CDCP2: variants seen among roughly 807,000 people sequenced by gnomAD.
CDCP2 encodes the protein CUB domain-containing protein 2.
In CDCP2, 31 loss-of-function variants were observed where a neutral mutation model predicts 31.0. The ratio of observed to expected loss-of-function variants is 1.00; its 90% CI spans 0.75 to 1.35. CDCP2 has a LOEUF of 1.35. Ranked by LOEUF, CDCP2 falls within the 40% of genes most tolerant of loss-of-function variation. The probability of loss-of-function intolerance (pLI) is 0.00; values close to 1 mark genes in which losing one functional copy is unlikely to be tolerated. For missense variants in CDCP2, 443 were observed against 482.6 expected (o/e 0.92, Z 0.77); for synonymous variants, 206 against 207.9 (o/e 0.99, Z 0.08).
At chr1:54,136,753 C>T (rs1659265354) in exon 5 of CDCP2, 10 of 399,016 alleles carry the variant, frequency 2.5e-5, no homozygotes, top group Non-Finnish European at 4.0e-5. Context: ...CCAGCGCCTG[C>T]GTGGAGATCA....
intron 4 of CDCP2, among the ~76,000 whole-genome samples, chr1:54,137,329 C>T (rs1033769328): frequency 5.3e-5 from 8 of 151,988 alleles, no homozygotes; most frequent in Admixed American, 6.6e-5. Flanking sequence ...CACGTGTCAG[C>T]GTGCCCCAAA....
intron 4 of CDCP2, among the ~76,000 whole-genome samples, chr1:54,137,083 A>C (rs1238835374): frequency 1.3e-5 from 2 of 152,238 alleles, no homozygotes; most frequent in Non-Finnish European, 2.9e-5. Flanking sequence ...AGGCCCAGTG[A>C]ATGCTGAGTG....
intron 1 of CDCP2, among the ~76,000 whole-genome samples, chr1:54,152,024 C>T (rs1053259665): frequency 1.3e-5 from 2 of 152,112 alleles, no homozygotes; most frequent in African/African-American, 4.8e-5. Context: ...GCATGGGATG[C>T]CCAAGGGATG....
chr1:54,142,026 C>T (rs1659384149), intron 2 of CDCP2: 1 of 152,458 alleles, frequency 6.6e-6, no homozygotes, highest in Non-Finnish European at 1.5e-5. Context: ...AGCCCTCCAG[C>T]ATAGAACTGT....
At chr1:54,140,145 G>C in intron 3 of CDCP2, 39 bp from the exon 4 acceptor site, 1 of 1,584,284 alleles carries the variant, frequency 6.3e-7, no homozygotes, top group Non-Finnish European at 8.7e-7. Context: ...GCAACAGTGA[G>C]GGGAGAGGAG....
intron 2 of CDCP2, 74 bp downstream of exon 2, chr1:54,144,392 C>T (rs1659423707): frequency 7.5e-7 from 1 of 1,328,262 alleles, no homozygotes; most frequent in African/African-American, 1.5e-5. Context: ...AGTAATCCTC[C>T]CACTTTGGCT....
chr1:54,141,288 C>T, exon 3 of CDCP2: 1 of 1,614,240 alleles, frequency 6.2e-7, no homozygotes, highest in South Asian at 1.1e-5. Context: ...TGCCCTCCAC[C>T]TGGAAGTCCA....
chr1:54,133,601 T>C (rs935762124), intron 5 of CDCP2, among the ~76,000 whole-genome samples: 4 of 152,152 alleles, frequency 2.6e-5, no homozygotes, highest in Admixed American at 2.0e-4. Context: ...TTGGTACCAC[T>C]AAAACCCCCA....
Position 54,140,114 on chromosome 1 carries a change from G to T in CDCP2, c.764-8C>A, listed in dbSNP as rs756546218. On this transcript the variant is annotated splice_region_variant and splice_polypyrimidine_tract_variant and intron_variant, in intron 3 of 5. Transcript: ENST00000530059. ...ATACCTCCTGGCATTCTCCTGGATGGGGGATGGGGAGGTGGAAGGAGCAAC... is the reference window on the plus strand; with the variant it reads ...ATACCTCCTGGCATTCTCCTGGATGTGGGATGGGGAGGTGGAAGGAGCAAC... The T allele has an allele frequency of 6.2e-7, 1 of 1,611,930 alleles. No individual in the cohort carries two copies. The highest frequency in any genetic ancestry group is 2.2e-5 in the East Asian group (1 of 44,868).
chr1:54,146,177 T>C (rs1313441453), intron 1 of CDCP2, among the ~76,000 whole-genome samples: 1 of 134,422 alleles, frequency 7.4e-6, no homozygotes, highest in Non-Finnish European at 1.6e-5. Context: ...GAGTGGTAAG[T>C]ATAATTTTTT....
chr1:54,152,789 G>C, intron 1 of CDCP2, 55 bp downstream of exon 1: 1 of 1,528,854 alleles, frequency 6.5e-7, no homozygotes, highest in Non-Finnish European at 9.0e-7. Context: ...GCCCCTGGCT[G>C]TTGCCTGCCC....
chr1:54,135,829 G>A (rs544457721), intron 5 of CDCP2, among the ~76,000 whole-genome samples: 17 of 152,210 alleles, frequency 1.1e-4, no homozygotes, highest in Middle Eastern at 3.4e-3. Flanking sequence ...GTTGGGAGGC[G>A]GGGGAGGGTT....
intron 4 of CDCP2, chr1:54,137,834 C>T (rs1659287605): frequency 6.6e-6 from 1 of 152,172 alleles, no homozygotes; most frequent in Non-Finnish European, 1.5e-5. Context: ...AGACATATTT[C>T]AGCCTCTGGT....
intron 1 of CDCP2, 136 bp from the exon 2 acceptor site, chr1:54,144,949 A>G: frequency 1.6e-6 from 1 of 629,760 alleles, no homozygotes; most frequent in South Asian, 2.0e-5. Flanking sequence ...TTATTTGCTC[A>G]TGCATCTACT....
At chr1:54,144,323 A>T in intron 2 of CDCP2, 143 bp downstream of exon 2, 1 of 711,128 alleles carries the variant, frequency 1.4e-6, no homozygotes, top group Non-Finnish European at 2.3e-6. Context: ...CTATCTTCCC[A>T]TCTCCACCCC....
At chr1:54,141,224 G>A (rs181888520) in exon 3 of CDCP2, 10 of 1,613,452 alleles carry the variant, frequency 6.2e-6, no homozygotes, top group South Asian at 3.3e-5. Flanking sequence ...TGGTGCCCAC[G>A]GGTGGGGCCA....
chr1:54,149,315 G>A lies in CDCP2; in HGVS notation c.79+3529C>T, dbSNP rs548761847. ...TACAGTTTTATGTGTTTCTCTGTTAGAGACACATTCTGACATATTTATGGG... is the reference window on the plus strand; with the variant it reads ...TACAGTTTTATGTGTTTCTCTGTTAAAGACACATTCTGACATATTTATGGG... On this transcript the variant is annotated intron_variant, in intron 1 of 5. Transcript: ENST00000530059. Among the ~76,000 whole-genome samples the A allele has an allele frequency of 5.9e-5, 9 of 151,970 alleles. 1 individual carries two copies. The highest frequency in any genetic ancestry group is 1.9e-4 in the African/African-American group (8 of 41,276).
intron 4 of CDCP2, chr1:54,138,515 A>G (rs1055973157): frequency 6.6e-6 from 1 of 152,266 alleles, no homozygotes; most frequent in African/African-American, 2.4e-5. Context: ...GATCTTTTGA[A>G]TGCTGAACGG....
intron 5 of CDCP2, among the ~76,000 whole-genome samples, chr1:54,136,027 G>T (rs571547027): frequency 6.6e-6 from 1 of 152,256 alleles, no homozygotes; most frequent in East Asian, 1.9e-4. Context: ...CCTAAGTCTG[G>T]GTTCACGGCC....
Sources: gnomAD v4.1 joint callset for allele counts (sites outside exome capture counted in the v4.1 genomes callset) on GRCh38, gnomAD v4.1.1 for gene constraint, MANE v1.5 for transcripts, NCBI Gene and HGNC (gene_info 2026-07-23, HGNC 2026-07-21) for gene names.